The following TLN2 variants were observed in gnomAD, a reference collection of about 807,000 sequenced individuals.
The protein encoded by TLN2 is talin-2.
TLN2 carries 118 observed loss-of-function variants against 294.7 expected under a neutral mutation model. That is an observed-to-expected ratio of 0.40 (90% confidence interval 0.34 to 0.47). The LOEUF (loss-of-function observed/expected upper bound fraction) is 0.47. Ranked by LOEUF, TLN2 falls within the 20% of genes least tolerant of loss-of-function variation. The pLI, the probability that TLN2 is intolerant of heterozygous loss-of-function variation, is 0.84. For missense variants in TLN2, 3,083 were observed against 3,282.2 expected (o/e 0.94, Z 1.48); for synonymous variants, 1,431 against 1,304.5 (o/e 1.10, Z -2.09).
chr15:62,699,345 G>A (rs1269251911), intron 16 of TLN2, among the ~76,000 whole-genome samples: 5 of 151,994 alleles, frequency 3.3e-5, no homozygotes, highest in African/African-American at 1.2e-4. Flanking sequence ...AGCATCATCC[G>A]AAGGGCCTGT....
chr15:62,521,196 A>G (rs2040440009), intron 1 of TLN2, among the ~76,000 whole-genome samples: 1 of 152,070 alleles, frequency 6.6e-6, no homozygotes, highest in Non-Finnish European at 1.5e-5. Flanking sequence ...ATTGTAGATC[A>G]CATCCCACCC....
At chr15:62,724,926 A>G in intron 26 of TLN2, 50 bp from the exon 27 acceptor site, 1 of 1,565,664 alleles carries the variant, frequency 6.4e-7, no homozygotes, top group Non-Finnish European at 8.7e-7. Context: ...AGTGTTGGGG[A>G]CACTTTTCCC....
chr15:62,513,056 C>G (rs1567046164), intron 1 of TLN2, among the ~76,000 whole-genome samples: 1 of 152,146 alleles, frequency 6.6e-6, no homozygotes, highest in African/African-American at 2.4e-5. Flanking sequence ...CTCAATATCC[C>G]CCTTTCATGC....
chr15:62,792,535 C>G (rs1009400234), intron 45 of TLN2, 106 bp from the exon 46 acceptor site: 22 of 1,454,416 alleles, frequency 1.5e-5, no homozygotes, highest in Admixed American at 2.3e-5. Flanking sequence ...TGGAATTTTC[C>G]TAGCCAGGCT....
At chr15:62,584,072 A>C (rs1567142244) in intron 1 of TLN2, among the ~76,000 whole-genome samples, 1 of 152,244 alleles carries the variant, frequency 6.6e-6, no homozygotes, top group African/African-American at 2.4e-5. Context: ...TTGTGAATGT[A>C]GTGGTACAAA....
At chr15:62,494,712 T>C (rs2038930332) in intron 1 of TLN2, among the ~76,000 whole-genome samples, 1 of 152,216 alleles carries the variant, frequency 6.6e-6, no homozygotes, top group Admixed American at 6.5e-5. Context: ...GCTAAAGATT[T>C]TTTTTTTAAG....
At chr15:62,613,538 A>G (rs2048082046) in intron 2 of TLN2, among the ~76,000 whole-genome samples, 2 of 152,168 alleles carry the variant, frequency 1.3e-5, no homozygotes, top group Non-Finnish European at 2.9e-5. Context: ...AAAATTGATC[A>G]TACACCTATC....
At chr15:62,650,794 T>C (rs904649705) in intron 5 of TLN2, among the ~76,000 whole-genome samples, 3 of 152,172 alleles carry the variant, frequency 2.0e-5, no homozygotes, top group Non-Finnish European at 4.4e-5. Context: ...GAGTGAAATA[T>C]GTGATGCCAA....
At chr15:62,582,225 C>CACACACACAT (rs2045149515) in intron 1 of TLN2, among the ~76,000 whole-genome samples, 1 of 145,276 alleles carries the variant, frequency 6.9e-6, no homozygotes, top group Non-Finnish European at 1.5e-5. Context: ...CACACACACA[C>CACACACACAT]ACACACACAC....
At chr15:62,635,352 G>A (rs1233036192) in intron 3 of TLN2, among the ~76,000 whole-genome samples, 1 of 151,994 alleles carries the variant, frequency 6.6e-6, no homozygotes, top group Non-Finnish European at 1.5e-5. Flanking sequence ...GTAAATAGCT[G>A]ATATACCCAA....
intron 41 of TLN2, among the ~76,000 whole-genome samples, chr15:62,770,251 A>G (rs1481292164): frequency 6.6e-6 from 1 of 152,222 alleles, no homozygotes; most frequent in African/African-American, 2.4e-5. Context: ...CTTTCAGCAG[A>G]GAGCCTGGCA....
chr15:62,781,532 G>A (rs1229935660), intron 44 of TLN2, among the ~76,000 whole-genome samples: 2 of 152,146 alleles, frequency 1.3e-5, no homozygotes, highest in South Asian at 2.1e-4. Flanking sequence ...ATGAAAAGAC[G>A]GGGAAAGCAA....
chr15:62,697,888 T>TC lies in TLN2; in HGVS notation c.1473+25dup. 6.2e-7 allele frequency: 1 copy of TC among 1,607,586 alleles called. No homozygotes were observed. The highest frequency in any genetic ancestry group is 2.2e-5 in the East Asian group (1 of 44,696). ...CCACTGGTGAGGCTTCCTGTGCTCG[T>TC]CCCCCACTCGTTAGTCTGCTGCCTC... On this transcript the variant is annotated intron_variant, in intron 15 of 58. Transcript: ENST00000636159.
chr15:62,723,314 A>C (rs2060255230), intron 26 of TLN2, among the ~76,000 whole-genome samples: 1 of 152,178 alleles, frequency 6.6e-6, no homozygotes, highest in South Asian at 2.1e-4. Context: ...TCTACACTGG[A>C]ATCACCTGGG....
intron 29 of TLN2, among the ~76,000 whole-genome samples, chr15:62,737,847 G>C (rs2061111538): frequency 6.6e-6 from 1 of 152,216 alleles, no homozygotes. Context: ...GGGCTCCCAA[G>C]AAGGGAGATA....
intron 1 of TLN2, among the ~76,000 whole-genome samples, chr15:62,555,924 A>AT (rs1414033789): frequency 1.9e-5 from 2 of 108,100 alleles, no homozygotes; most frequent in African/African-American, 7.2e-5. Context: ...CATTATTCTT[A>AT]TTTTTTAAAC....
At chr15:62,397,430 A>G (rs1451883746) in intron 1 of TLN2, among the ~76,000 whole-genome samples, 2 of 151,952 alleles carry the variant, frequency 1.3e-5, no homozygotes, top group Admixed American at 6.6e-5. Context: ...GCTAATTTGT[A>G]TTTGATATTT....
At chr15:62,719,133 C>T (rs574297857) in intron 24 of TLN2, among the ~76,000 whole-genome samples, 16 of 152,294 alleles carry the variant, frequency 1.1e-4, no homozygotes, top group Non-Finnish European at 2.4e-4. Context: ...AGGGACAGAA[C>T]ACAGAGAAAG....
At chr15:62,651,110 T>G (rs543812193) in intron 5 of TLN2, among the ~76,000 whole-genome samples, 1 of 152,282 alleles carries the variant, frequency 6.6e-6, no homozygotes, top group African/African-American at 2.4e-5. Context: ...ATAGTAAAAA[T>G]TGCTTATGAC....
Sources: gnomAD v4.1 joint callset for allele counts (sites outside exome capture counted in the v4.1 genomes callset) on GRCh38, gnomAD v4.1.1 for gene constraint, MANE v1.5 for transcripts, NCBI Gene and HGNC (gene_info 2026-07-23, HGNC 2026-07-21) for gene names.